HTR4: variants seen among roughly 807,000 people sequenced by gnomAD.
HTR4 encodes 5-hydroxytryptamine receptor 4.
HTR4 carries 16 observed loss-of-function variants against 36.8 expected under a neutral mutation model. That is an observed-to-expected ratio of 0.43 (90% CI 0.29 to 0.66). The LOEUF (loss-of-function observed/expected upper bound fraction) is 0.66. Ranked by LOEUF, HTR4 falls within the 30% of genes least tolerant of loss-of-function variation. The pLI, the probability that HTR4 is intolerant of heterozygous loss-of-function variation, is 0.13. For missense variants in HTR4, 438 were observed against 490.9 expected, an observed-to-expected ratio of 0.89 and a Z score of 1.02; for synonymous variants, 189 against 185.1, an observed-to-expected ratio of 1.02 and a Z score of -0.17.
At chr5:148,653,431 G>A (rs984983927) in intron 1 of HTR4, among the ~76,000 whole-genome samples, 14 of 152,156 alleles carry the variant, frequency 9.2e-5, no homozygotes, top group Non-Finnish European at 1.5e-4. Flanking sequence ...CAAGCTGTGA[G>A]GAAATGCATC....
rs879664921 is a variant in HTR4, at chr5:148,548,835, A to C, written c.186T>G (p.Leu62=). 1.9e-6 allele frequency: 3 copies of C among 1,614,114 alleles called. No homozygotes were observed. The highest frequency in any genetic ancestry group is 1.7e-5 in the Admixed American group (1 of 60,022). Residue 62 remains leucine, a synonymous_variant, in exon 4 of 7, where the codon CTT becomes CTG. Transcript: ENST00000377888. ...CCGAAACCAGCAGATCCGCAAAAGC[A>C]AGAGATACAATGAAATAATTTGTTT... ...KIKTNYFIVS[L]AFADLLVSVL...
intron 4 of HTR4, among the ~76,000 whole-genome samples, chr5:148,531,392 A>C (rs868548533): frequency 1.8e-4 from 28 of 152,130 alleles, no homozygotes; most frequent in African/African-American, 6.3e-4. Context: ...GGTTTTATAA[A>C]GGGGAGTTTC....
chr5:148,611,379 T>C (rs1356255704), intron 2 of HTR4, among the ~76,000 whole-genome samples: 1 of 150,612 alleles, frequency 6.6e-6, no homozygotes, highest in Non-Finnish European at 1.5e-5. Flanking sequence ...TATTCAACAT[T>C]CTTAAAGAAA....
In HTR4 at chr5:148,533,618, A is replaced by T. The variant is rs1398919916; in HGVS notation, c.354-10272T>A. ...AGCAATGATAATAAGTTGGAATTCTAGACTGTCAGAATTGGAGGAGATAGT... is the reference window on the plus strand; with the variant it reads ...AGCAATGATAATAAGTTGGAATTCTTGACTGTCAGAATTGGAGGAGATAGT... On this transcript the variant is annotated intron_variant, in intron 4 of 6. Coordinates refer to ENST00000377888, the MANE Select transcript of HTR4 (RefSeq NM_000870.7). 2.6e-5 allele frequency among the ~76,000 whole-genome samples: 4 copies of T among 152,206 alleles called. No individual in the cohort carries two copies. In the East Asian group the frequency reaches 7.7e-4, roughly 29 times the overall value.
intron 2 of HTR4, among the ~76,000 whole-genome samples, chr5:148,617,283 C>A (rs1354077885): frequency 2.6e-5 from 4 of 152,162 alleles, no homozygotes; most frequent in Non-Finnish European, 5.9e-5. Context: ...TCACCTTCTG[C>A]CATGAGTAAA....
At chr5:148,641,397 A>G (rs1753724551) in intron 1 of HTR4, among the ~76,000 whole-genome samples, 1 of 152,186 alleles carries the variant, frequency 6.6e-6, no homozygotes, top group African/African-American at 2.4e-5. Context: ...TATACCCTCC[A>G]TACTAATCCC....
At chr5:148,637,945 G>A (rs1413614789) in intron 1 of HTR4, among the ~76,000 whole-genome samples, 1 of 152,062 alleles carries the variant, frequency 6.6e-6, no homozygotes, top group Non-Finnish European at 1.5e-5. Flanking sequence ...AGAAGAGATT[G>A]GAAAAAAATA....
At chr5:148,473,570 T>C (rs1490629324), downstream of HTR4, among the ~76,000 whole-genome samples, 3 of 152,242 alleles carry the variant, frequency 2.0e-5, no homozygotes, top group Non-Finnish European at 4.4e-5. Flanking sequence ...TACTACTTTT[T>C]GCCTGGCTTT....
At chr5:148,495,085 C>G (rs541296130) in intron 6 of HTR4, among the ~76,000 whole-genome samples, 1 of 152,300 alleles carries the variant, frequency 6.6e-6, no homozygotes, top group South Asian at 2.1e-4. Flanking sequence ...AGATCTGAAC[C>G]TGGAAACTGG....
chr5:148,506,454 T>C (rs4282303), intron 6 of HTR4, among the ~76,000 whole-genome samples: 1 of 151,884 alleles, frequency 6.6e-6, no homozygotes. Context: ...ATTCGGGACA[T>C]AGGAATGGGC....
chr5:148,472,963 T>A (rs147039299), downstream of HTR4, among the ~76,000 whole-genome samples: 242 of 152,228 alleles, frequency 1.6e-3, 1 homozygote, highest in African/African-American at 5.7e-3. Context: ...ATGTGTGATT[T>A]TAAAAACATC....
chr5:148,575,858 A>C (rs1381452950), intron 2 of HTR4, among the ~76,000 whole-genome samples: 2 of 152,038 alleles, frequency 1.3e-5, no homozygotes, highest in Non-Finnish European at 2.9e-5. Context: ...ACTCCCATGC[A>C]ACATAATATT....
At chr5:148,595,433 A>G (rs184536322) in intron 2 of HTR4, among the ~76,000 whole-genome samples, 1 of 152,228 alleles carries the variant, frequency 6.6e-6, no homozygotes, top group East Asian at 1.9e-4. Flanking sequence ...AAATTTTCCC[A>G]TGTCATCTGC....
At chr5:148,521,501 C>T (rs1427465848) in intron 5 of HTR4, among the ~76,000 whole-genome samples, 1 of 151,712 alleles carries the variant, frequency 6.6e-6, no homozygotes, top group Non-Finnish European at 1.5e-5. Context: ...ATTGACTCTC[C>T]TGGGCTCTAG....
chr5:148,491,324 T>A (rs58515180), intron 6 of HTR4, among the ~76,000 whole-genome samples: 46,082 of 148,954 alleles, frequency 0.31, 7,349 homozygotes, highest in Non-Finnish European at 0.37. Context: ...CGCTATATAT[T>A]TTTTTTTTTT....
At chr5:148,517,109 T>G (rs1757793967) in intron 5 of HTR4, among the ~76,000 whole-genome samples, 2 of 152,224 alleles carry the variant, frequency 1.3e-5, no homozygotes, top group African/African-American at 4.8e-5. Context: ...TTTATTTAGC[T>G]TTGATAGTCA....
chr5:148,522,897 C>T (rs1758088253), intron 5 of HTR4, among the ~76,000 whole-genome samples: 1 of 152,138 alleles, frequency 6.6e-6, no homozygotes, highest in Non-Finnish European at 1.5e-5. Flanking sequence ...GTGGGGGATT[C>T]TGGCTATACC....
At chr5:148,489,724 G>A (rs927834958) in intron 6 of HTR4, among the ~76,000 whole-genome samples, 1 of 152,138 alleles carries the variant, frequency 6.6e-6, no homozygotes, top group Non-Finnish European at 1.5e-5. Flanking sequence ...GAAGAGTTAG[G>A]TCAGGGGAGC....
At chr5:148,625,495 T>TC (rs368002498) in intron 2 of HTR4, among the ~76,000 whole-genome samples, 39 of 152,286 alleles carry the variant, frequency 2.6e-4, no homozygotes, top group African/African-American at 8.9e-4. Flanking sequence ...CTTTTCAACT[T>TC]CCCCACTCTT....
Sources: gnomAD v4.1 joint callset for allele counts (sites outside exome capture counted in the v4.1 genomes callset) on GRCh38, gnomAD v4.1.1 for gene constraint, MANE v1.5 for transcripts, NCBI Gene and HGNC (gene_info 2026-07-23, HGNC 2026-07-21) for gene names.